Variants in IL1RAPL2 observed in about 807,000 individuals in gnomAD.
IL1RAPL2 encodes the protein interleukin 1 receptor accessory protein like 2.
Under a neutral mutation model 44.1 loss-of-function variants are expected in IL1RAPL2, and 3 were observed. That is an observed-to-expected ratio of 0.07 (90% CI 0.03 to 0.18). IL1RAPL2 has a LOEUF of 0.18. IL1RAPL2 is among the 10% of genes least tolerant of loss of function. The pLI is 1.00. For synonymous variants in IL1RAPL2, 181 were observed against 178.8 expected, an observed-to-expected ratio of 1.01 and a Z score of -0.10; for missense variants, 391 against 496.4, an observed-to-expected ratio of 0.79 and a Z score of 2.02.
chrX:105,541,875 T>C (rs769231882), intron 6 of IL1RAPL2, among the ~76,000 whole-genome samples: 177 of 111,232 alleles, frequency 1.6e-3, no homozygotes, highest in African/African-American at 5.7e-3. Context: ...AACTTTATAG[T>C]AGGGTAGTTC....
chrX:105,350,206 C>A lies in IL1RAPL2; in HGVS notation c.697+82665C>A, dbSNP rs747172129. Among the ~76,000 whole-genome samples, 6 of 111,532 alleles carry A rather than the reference C, an allele frequency of 5.4e-5. No individual in the cohort carries two copies. The South Asian group carries it at 2.3e-3, about 42-fold the overall frequency. Reference sequence around the variant, plus strand: ...ATAGTATCATTTCACTCCACCAAAACCTTCAATGGCTCCCTAATGATTGAT... The same window carrying A: ...ATAGTATCATTTCACTCCACCAAAAACTTCAATGGCTCCCTAATGATTGAT... On this transcript the variant is annotated intron_variant, in intron 5 of 10. Coordinates refer to ENST00000372582, the MANE Select transcript of IL1RAPL2 (RefSeq NM_017416.2).
chrX:105,307,754 A>G (rs1313330824), intron 5 of IL1RAPL2, among the ~76,000 whole-genome samples: 2 of 95,608 alleles, frequency 2.1e-5, no homozygotes, highest in Admixed American at 1.4e-4. Flanking sequence ...ACTCTTTTTT[A>G]TTCAGTGAGT....
At chrX:105,750,152 C>G (rs1051377042) in intron 9 of IL1RAPL2, among the ~76,000 whole-genome samples, 1 of 109,469 alleles carries the variant, frequency 9.1e-6, no homozygotes. Flanking sequence ...CTTATTGTTA[C>G]TATTATGTGA....
chrX:105,508,440 C>A (rs748090045), intron 6 of IL1RAPL2, among the ~76,000 whole-genome samples: 5 of 111,007 alleles, frequency 4.5e-5, no homozygotes, highest in South Asian at 7.6e-4. Flanking sequence ...TCATTAAATT[C>A]TTTCCCTTTT....
At chrX:104,770,754 G>A (rs184909128) in intron 2 of IL1RAPL2, among the ~76,000 whole-genome samples, 1 of 111,950 alleles carries the variant, frequency 8.9e-6, no homozygotes, top group African/African-American at 3.2e-5. Flanking sequence ...TAACTTTTAT[G>A]TTAAGTTCAG....
intron 5 of IL1RAPL2, among the ~76,000 whole-genome samples, chrX:105,453,993 G>A (rs901411412): frequency 5.4e-5 from 6 of 111,730 alleles, no homozygotes; most frequent in African/African-American, 2.0e-4. Context: ...GAGTGTCTAT[G>A]GAAGAACACT....
chrX:104,741,593 C>A (rs887439519), intron 2 of IL1RAPL2, among the ~76,000 whole-genome samples: 1 of 110,829 alleles, frequency 9.0e-6, no homozygotes, highest in Non-Finnish European at 1.9e-5. Context: ...GTAATAACAT[C>A]TATAAATTTT....
At chrX:104,936,621 CTTTTT>C (rs1186693127) in intron 2 of IL1RAPL2, among the ~76,000 whole-genome samples, 3 of 88,553 alleles carry the variant, frequency 3.4e-5, no homozygotes, top group African/African-American at 1.4e-4. Context: ...TTACCAGACT[CTTTTT>C]TTTTTTTTTT....
intron 8 of IL1RAPL2, among the ~76,000 whole-genome samples, chrX:105,742,268 C>G (rs1569470866): frequency 9.0e-6 from 1 of 111,164 alleles, no homozygotes; most frequent in African/African-American, 3.3e-5. Flanking sequence ...TAGACATACC[C>G]AGGTCTTCTT....
chrX:105,135,755 T>C (rs2033071438), intron 2 of IL1RAPL2, among the ~76,000 whole-genome samples: 1 of 111,901 alleles, frequency 8.9e-6, no homozygotes, highest in African/African-American at 3.2e-5. Flanking sequence ...GTTTGAGAAA[T>C]AGCCACCTTT....
At position 104,695,378 on chromosome X, in the gene IL1RAPL2, C is replaced by T. The variant is rs777644487; in HGVS notation, c.82+36383C>T. 9.1e-5 allele frequency among the ~76,000 whole-genome samples: 10 copies of T among 109,458 alleles called. No individual in the cohort carries two copies. In the South Asian group the frequency reaches 1.2e-3, roughly 13 times the overall value. On this transcript the variant is annotated intron_variant, in intron 2 of 10. Transcript: ENST00000372582. ...GAGAGAGAGAGAGAGAGAGCGAGCACGAGAGCACATGACATTCCTATGAGT... is the reference window on the plus strand; with the variant it reads ...GAGAGAGAGAGAGAGAGAGCGAGCATGAGAGCACATGACATTCCTATGAGT...
intron 6 of IL1RAPL2, among the ~76,000 whole-genome samples, chrX:105,687,485 G>T (rs1271644053): frequency 9.0e-6 from 1 of 111,277 alleles, no homozygotes; most frequent in Non-Finnish European, 1.9e-5. Flanking sequence ...TAGAAGAAAT[G>T]GATAAATTCC....
intron 6 of IL1RAPL2, among the ~76,000 whole-genome samples, chrX:105,565,045 C>T (rs759864267): frequency 8.9e-6 from 1 of 112,341 alleles, no homozygotes; most frequent in South Asian, 3.7e-4. Context: ...CTTCAGGTAA[C>T]TCGTTTAAAC....
chrX:105,326,599 T>A (rs2034940808), intron 5 of IL1RAPL2, among the ~76,000 whole-genome samples: 1 of 111,565 alleles, frequency 9.0e-6, no homozygotes, highest in Admixed American at 9.6e-5. Context: ...TGGTATCAGG[T>A]AGAAGTTAGA....
At chrX:105,154,558 T>C (rs918995510) in intron 2 of IL1RAPL2, among the ~76,000 whole-genome samples, 3 of 111,145 alleles carry the variant, frequency 2.7e-5, no homozygotes, top group African/African-American at 3.3e-5. Flanking sequence ...TGGTCTTTAA[T>C]AGTAGCATCT....
At chrX:105,138,118 C>A (rs947348116) in intron 2 of IL1RAPL2, among the ~76,000 whole-genome samples, 2 of 110,884 alleles carry the variant, frequency 1.8e-5, no homozygotes, top group Non-Finnish European at 3.8e-5. Flanking sequence ...GATTGTGATA[C>A]AGTTGTTCCC....
At chrX:104,579,667 G>T (rs1928307153) in intron 1 of IL1RAPL2, among the ~76,000 whole-genome samples, 1 of 111,451 alleles carries the variant, frequency 9.0e-6, no homozygotes, top group Non-Finnish European at 1.9e-5. Flanking sequence ...TAGTACCTGG[G>T]TGACAAAATA....
At chrX:104,936,564 G>A (rs1925031372) in intron 2 of IL1RAPL2, among the ~76,000 whole-genome samples, 1 of 109,749 alleles carries the variant, frequency 9.1e-6, no homozygotes, top group African/African-American at 3.3e-5. Context: ...ATATTTCACA[G>A]GTACTAAAAT....
intron 2 of IL1RAPL2, among the ~76,000 whole-genome samples, chrX:104,761,174 A>G (rs1932420484): frequency 9.0e-6 from 1 of 111,578 alleles, no homozygotes; most frequent in African/African-American, 3.3e-5. Context: ...TTTATAAAAG[A>G]AAGAGATTTG....
Sources: gnomAD v4.1 joint callset for allele counts (sites outside exome capture counted in the v4.1 genomes callset) on GRCh38, gnomAD v4.1.1 for gene constraint, MANE v1.5 for transcripts, NCBI Gene and HGNC (gene_info 2026-07-23, HGNC 2026-07-21) for gene names.